The following ST18 variants were observed in gnomAD, a reference collection of about 807,000 sequenced individuals.
The protein encoded by ST18 is suppression of tumorigenicity 18 protein.
Under a neutral mutation model 110.0 loss-of-function variants are expected in ST18, and 50 were observed. That is an observed-to-expected ratio of 0.45 (90% confidence interval 0.36 to 0.58). The LOEUF (loss-of-function observed/expected upper bound fraction) is 0.58, where lower values mean the gene tolerates loss of function less well. ST18 is among the 20% of genes least tolerant of loss of function. The pLI is 0.00. For synonymous variants in ST18, 461 were observed against 452.4 expected (o/e 1.02, Z -0.24); for missense variants, 1,306 against 1,280.1 (o/e 1.02, Z -0.31).
At chr8:52,385,460 C>T (rs1228452842) in intron 2 of ST18, among the ~76,000 whole-genome samples, 6 of 152,114 alleles carry the variant, frequency 3.9e-5, no homozygotes, top group Non-Finnish European at 5.9e-5. Flanking sequence ...ATTAGCTGGG[C>T]GTGATGGCAG....
chr8:52,278,651 C>CACAA (rs1478588527), intron 2 of ST18, among the ~76,000 whole-genome samples: 1 of 152,182 alleles, frequency 6.6e-6, no homozygotes, highest in Non-Finnish European at 1.5e-5. Flanking sequence ...CAAGCACACA[C>CACAA]ACAAACAAAC....
At chr8:52,175,395 C>T (rs527994397) in intron 9 of ST18, among the ~76,000 whole-genome samples, 2 of 152,296 alleles carry the variant, frequency 1.3e-5, no homozygotes, top group East Asian at 3.9e-4. Context: ...AGTTCATCCC[C>T]ACTCCCAGCA....
intron 9 of ST18, among the ~76,000 whole-genome samples, chr8:52,174,763 A>C (rs2066250866): frequency 6.6e-6 from 1 of 152,236 alleles, no homozygotes; most frequent in South Asian, 2.1e-4. Context: ...CCCCACTGAC[A>C]GAGGTGCCTG....
At chr8:52,165,429 T>C (rs545414359) in intron 11 of ST18, among the ~76,000 whole-genome samples, 1 of 152,342 alleles carries the variant, frequency 6.6e-6, no homozygotes, top group African/African-American at 2.4e-5. Context: ...GTAATTTCTC[T>C]AAACTCCACG....
intron 12 of ST18, among the ~76,000 whole-genome samples, chr8:52,164,857 T>C (rs751463288): frequency 4.7e-4 from 72 of 152,228 alleles, no homozygotes; most frequent in Non-Finnish European, 7.9e-4. Flanking sequence ...ATTCTATTTG[T>C]ATGATTATAT....
intron 6 of ST18, among the ~76,000 whole-genome samples, chr8:52,217,219 C>T (rs2084656063): frequency 6.6e-6 from 1 of 152,062 alleles, no homozygotes; most frequent in African/African-American, 2.4e-5. Context: ...CATTTATATA[C>T]TTCATTCTCA....
intron 16 of ST18, among the ~76,000 whole-genome samples, chr8:52,143,378 A>G (rs1460844798): frequency 1.3e-5 from 2 of 152,056 alleles, no homozygotes; most frequent in East Asian, 3.9e-4. Context: ...CCAGTTACTC[A>G]GGAGGTTGAG....
At chr8:52,213,583 AG>A (rs2083005746) in intron 7 of ST18, among the ~76,000 whole-genome samples, 1 of 152,194 alleles carries the variant, frequency 6.6e-6, no homozygotes. Context: ...ATTTTCCTTA[AG>A]GGGTATTATT....
chr8:52,194,697 G>A (rs1314601663), intron 8 of ST18: 1 of 152,242 alleles, frequency 6.6e-6, no homozygotes, highest in African/African-American at 2.4e-5. Flanking sequence ...CCGCCACTGA[G>A]GATGTGTTTT....
chr8:52,311,950 G>C (rs894417528), intron 2 of ST18, among the ~76,000 whole-genome samples: 2 of 152,100 alleles, frequency 1.3e-5, no homozygotes, highest in African/African-American at 4.8e-5. Flanking sequence ...CATTGAGTGG[G>C]TAAAAAACAA....
intron 8 of ST18, among the ~76,000 whole-genome samples, chr8:52,183,653 C>T (rs545016628): frequency 6.6e-6 from 1 of 152,206 alleles, no homozygotes; most frequent in South Asian, 2.1e-4. Context: ...AAAGAGATAA[C>T]ATCTGTGCTA....
At position 52,252,041 on chromosome 8, in the gene ST18, C is replaced by T. The variant is rs372877876; in HGVS notation, c.-464-21964G>A. On this transcript the variant is annotated intron_variant, in intron 2 of 25. Coordinates refer to ENST00000689386, the MANE Select transcript of ST18 (RefSeq NM_001352837.2). ...TATATTTTTTTGATATGTTTGTTCA[C>T]ATTGCTCTACTACCATAGAAACTAT... Among the ~76,000 whole-genome samples, 7 of 152,178 alleles carry T rather than the reference C, an allele frequency of 4.6e-5. No individual in the cohort carries two copies. In the East Asian group the frequency reaches 1.2e-3, roughly 25 times the overall value.
At chr8:52,159,533 A>G (rs57763787) in intron 14 of ST18, among the ~76,000 whole-genome samples, 515 of 152,336 alleles carry the variant, frequency 3.4e-3, no homozygotes, top group African/African-American at 0.012. Context: ...GGCGGAAAAA[A>G]AAATGTGTCC....
chr8:52,379,742 T>A (rs994264670), intron 2 of ST18, among the ~76,000 whole-genome samples: 3 of 152,210 alleles, frequency 2.0e-5, no homozygotes, highest in South Asian at 2.1e-4. Context: ...AACTCACACA[T>A]ATACTTACAG....
At chr8:52,129,866 A>G (rs1464850735) in intron 22 of ST18, among the ~76,000 whole-genome samples, 5 of 152,014 alleles carry the variant, frequency 3.3e-5, no homozygotes, top group South Asian at 2.1e-4. Context: ...CCAACATGGC[A>G]AAACCCTGTC....
intron 2 of ST18, among the ~76,000 whole-genome samples, chr8:52,322,877 T>C (rs1254849752): frequency 6.6e-6 from 1 of 152,222 alleles, no homozygotes; most frequent in African/African-American, 2.4e-5. Context: ...CATTGATGAT[T>C]GGGTGTGTTA....
intron 2 of ST18, among the ~76,000 whole-genome samples, chr8:52,291,474 T>G (rs2095555184): frequency 6.6e-6 from 1 of 152,240 alleles, no homozygotes; most frequent in African/African-American, 2.4e-5. Flanking sequence ...AATTGTTAAG[T>G]TGAATATTAA....
At chr8:52,352,672 T>C (rs1820905122) in intron 2 of ST18, among the ~76,000 whole-genome samples, 1 of 152,170 alleles carries the variant, frequency 6.6e-6, no homozygotes, top group African/African-American at 2.4e-5. Flanking sequence ...TGCTGGGCAC[T>C]AGCGACACTC....
At chr8:52,186,772 A>G (rs942931595) in intron 8 of ST18, among the ~76,000 whole-genome samples, 1 of 152,210 alleles carries the variant, frequency 6.6e-6, no homozygotes, top group Non-Finnish European at 1.5e-5. Context: ...CGATACACAT[A>G]TGGTTGAGTC....
Sources: allele counts gnomAD v4.1 joint callset (sites outside exome capture counted in the v4.1 genomes callset), GRCh38; gene constraint gnomAD v4.1.1; transcripts MANE v1.5; gene names NCBI Gene and HGNC (gene_info 2026-07-23, HGNC 2026-07-21).